Variants in ZNF106 observed in about 807,000 individuals in gnomAD.
ZNF106 encodes SH3-domain binding protein 3.
In ZNF106, 67 loss-of-function variants were observed where a neutral mutation model predicts 195.1. That is an observed-to-expected ratio of 0.34 (90% confidence interval 0.28 to 0.42). ZNF106 has a LOEUF of 0.42. ZNF106 is among the 10% of genes least tolerant of loss of function. The probability of loss-of-function intolerance (pLI) is 1.00; values close to 1 mark genes in which losing one functional copy is unlikely to be tolerated. For synonymous variants in ZNF106, 784 were observed against 818.6 expected, an observed-to-expected ratio of 0.96 and a Z score of 0.72; for missense variants, 2,118 against 2,304.5, an observed-to-expected ratio of 0.92 and a Z score of 1.66.
intron 3 of ZNF106, chr15:42,457,517 G>T: frequency 8.9e-7 from 1 of 1,122,240 alleles, no homozygotes; most frequent in South Asian, 2.6e-5. Flanking sequence ...GCACACCCAT[G>T]GTGCCAGCTG....
intron 9 of ZNF106, among the ~76,000 whole-genome samples, chr15:42,443,904 C>T (rs928586768): frequency 1.3e-5 from 2 of 151,918 alleles, no homozygotes; most frequent in Admixed American, 6.6e-5. Flanking sequence ...GTCAGGAGTT[C>T]GAGACCAGTC....
chr15:42,447,140 A>AT (rs1435813922), intron 6 of ZNF106, among the ~76,000 whole-genome samples: 1 of 152,248 alleles, frequency 6.6e-6, no homozygotes, highest in Non-Finnish European at 1.5e-5. Context: ...TACATATAGC[A>AT]TCTAGCTCAA....
chr15:42,465,900 AT>A (rs1049247350), intron 3 of ZNF106, among the ~76,000 whole-genome samples, 152 bp downstream of exon 3: 2 of 152,234 alleles, frequency 1.3e-5, no homozygotes, highest in African/African-American at 4.8e-5. Context: ...AATGCCAAAA[AT>A]CTACTACACT....
At chr15:42,480,035 G>T (rs2056867761) in intron 1 of ZNF106, among the ~76,000 whole-genome samples, 1 of 152,110 alleles carries the variant, frequency 6.6e-6, no homozygotes, top group Non-Finnish European at 1.5e-5. Flanking sequence ...ATTTTGAACA[G>T]ATTGGGTCTC....
chr15:42,464,421 T>C (rs17709377), intron 3 of ZNF106, among the ~76,000 whole-genome samples: 9,970 of 151,872 alleles, frequency 0.066, 418 homozygotes, highest in South Asian at 0.15. Flanking sequence ...AGGTTCCCAA[T>C]GTTCCTCCAT....
intron 2 of ZNF106, among the ~76,000 whole-genome samples, chr15:42,469,943 C>A (rs2056627415): frequency 6.6e-6 from 1 of 151,668 alleles, no homozygotes; most frequent in African/African-American, 2.4e-5. Context: ...CAAATGCATT[C>A]CTTCTCATGT....
intron 14 of ZNF106, among the ~76,000 whole-genome samples, chr15:42,434,191 G>C (rs1471328652): frequency 6.6e-6 from 1 of 152,034 alleles, no homozygotes; most frequent in East Asian, 1.9e-4. Context: ...TACTGGATCA[G>C]AAACTCTGGC....
Position 42,488,693 on chromosome 15 carries a change from TAGAGC to T in ZNF106, c.-33+2282_-33+2286del, listed in dbSNP as rs2057069298. 2.0e-5 allele frequency among the ~76,000 whole-genome samples: 3 copies of T among 152,198 alleles called. No individual in the cohort carries two copies. The South Asian group carries it at 6.2e-4, about 32-fold the overall frequency. On this transcript the variant is annotated intron_variant, in intron 1 of 21. Transcript: ENST00000564754. Reference sequence around the variant, plus strand: ...CATCTTCCATTCCTCTCAACTCTTGTAGAGCAGCCTTCAGACTACACGTGCACTAA... The same window carrying T: ...CATCTTCCATTCCTCTCAACTCTTGTAGCCTTCAGACTACACGTGCACTAA...
At position 42,480,325 on chromosome 15, in the gene ZNF106, C is replaced by T. The variant is rs186735005; in HGVS notation, c.-32-8004G>A. ...TATGATCCCTTTAACTCTGGTGATA[C>T]TTTTTATATTGAAGTCTATTTTATC... On this transcript the variant is annotated intron_variant, in intron 1 of 21. Transcript: ENST00000564754. Among the ~76,000 whole-genome samples, 670 of 152,232 alleles carry T rather than the reference C, an allele frequency of 4.4e-3. 6 individuals carry two copies. Among genetic ancestry groups the T allele is most frequent in the African/African-American group, 0.016 (650 of 41,526 alleles).
At chr15:42,424,233 C>G (rs1364116934) in intron 16 of ZNF106, 173 bp from the exon 17 acceptor site, 1 of 582,216 alleles carries the variant, frequency 1.7e-6, no homozygotes, top group African/African-American at 1.9e-5. Context: ...CACCCCCCTA[C>G]CAAGCATGCT....
At position 42,450,974 on chromosome 15, in the gene ZNF106, T is replaced by C. The variant is rs750865639; in HGVS notation, c.1298A>G (p.His433Arg). 3.5e-5 allele frequency: 57 copies of C among 1,614,134 alleles called. No individual in the cohort carries two copies. Among genetic ancestry groups the C allele is most frequent in the Non-Finnish European group, 4.2e-5 (49 of 1,180,050 alleles). Residue 433 changes from histidine to arginine, a missense_variant, in exon 5 of 22, where the codon CAT (histidine) becomes CGT (arginine). His to Arg is a conservative substitution (Grantham distance 29). Coordinates refer to ENST00000564754, the MANE Select transcript of ZNF106 (RefSeq NM_001366845.3). ...SPTQKTQKEI[H>R]TGSLNHKASS... ...GGCCTTGTGATTAAGAGATCCAGTA[T>C]GTATTTCTTTTTGTGTTTTCTGTGT...
chr15:42,474,423 T>C (rs894828800), intron 1 of ZNF106, among the ~76,000 whole-genome samples: 3 of 152,208 alleles, frequency 2.0e-5, no homozygotes, highest in Admixed American at 6.5e-5. Context: ...ACTATCCATC[T>C]TGGGTTACTA....
chr15:42,420,528 G>T (rs745876408), intron 20 of ZNF106, among the ~76,000 whole-genome samples: 7 of 152,102 alleles, frequency 4.6e-5, no homozygotes, highest in Non-Finnish European at 7.3e-5. Flanking sequence ...TCAAGTTCAC[G>T]CCATCAATGC....
intron 15 of ZNF106, 54 bp from the exon 16 acceptor site, chr15:42,425,079 TA>T (rs2054806731): frequency 6.4e-7 from 1 of 1,551,558 alleles, no homozygotes; most frequent in Non-Finnish European, 8.9e-7. Flanking sequence ...AAAATTCAAC[TA>T]ACCAACATCA....
chr15:42,425,262 C>T (rs1347446211), intron 15 of ZNF106, among the ~76,000 whole-genome samples: 1 of 152,190 alleles, frequency 6.6e-6, no homozygotes, highest in Non-Finnish European at 1.5e-5. Context: ...TTTATAACTT[C>T]AACCCACACC....
Position 42,412,886 on chromosome 15 carries a change from C to A in ZNF106, c.*4418G>T, listed in dbSNP as rs946604874. ...CTTTATATCTTGCTTTACAAAGTTA[C>A]GAAGTTCACAGCTTTATACCAAAAT... On this transcript the variant is annotated 3_prime_UTR_variant, in exon 22 of 22. Transcript: ENST00000564754. The A allele has an allele frequency of 6.6e-6, 1 of 152,134 alleles. No homozygotes were observed. Among genetic ancestry groups the A allele is most frequent in the African/African-American group, 2.4e-5 (1 of 41,404 alleles). The allele number at this position is 152,134 out of a possible 1,614,324, so 9.4% of individuals were successfully genotyped here. A position where few individuals can be genotyped will look rare whatever the true frequency, so the allele number is the denominator to read the frequency against.
At chr15:42,458,791 CT>C (rs920875351) in intron 3 of ZNF106, among the ~76,000 whole-genome samples, 119 of 141,018 alleles carry the variant, frequency 8.4e-4, no homozygotes, top group African/African-American at 1.7e-3. Flanking sequence ...AAGGTGTTTT[CT>C]TTTTTTTTTT....
In ZNF106 at chr15:42,464,431, T is replaced by G. The variant is rs961231423; in HGVS notation, c.116+1622A>C. On this transcript the variant is annotated intron_variant, in intron 3 of 21. Transcript: ENST00000564754. Reference sequence around the variant, plus strand: ...TTCCTAGGTTCCCAATGTTCCTCCATCTATCTTGTTTCCAAACTTCAAATT... The same window carrying G: ...TTCCTAGGTTCCCAATGTTCCTCCAGCTATCTTGTTTCCAAACTTCAAATT... Among the ~76,000 whole-genome samples, 4 of 151,546 alleles carry G rather than the reference T, an allele frequency of 2.6e-5. No homozygotes were observed. The East Asian group carries it at 7.8e-4, about 29-fold the overall frequency.
At chr15:42,443,505 TTA>T (rs1412924287) in intron 9 of ZNF106, among the ~76,000 whole-genome samples, 3 of 152,078 alleles carry the variant, frequency 2.0e-5, no homozygotes, top group African/African-American at 7.2e-5. Flanking sequence ...TTTTATAATT[TTA>T]TATAACTTTT....
Sources: allele counts gnomAD v4.1 joint callset (sites outside exome capture counted in the v4.1 genomes callset), GRCh38; gene constraint gnomAD v4.1.1; transcripts MANE v1.5; gene names NCBI Gene and HGNC (gene_info 2026-07-23, HGNC 2026-07-21).